POM121: variants seen among roughly 807,000 people sequenced by gnomAD.
POM121 encodes nuclear envelope pore membrane protein POM 121.
A neutral mutation model predicts 81.3 loss-of-function variants in POM121; 32 were observed. The observed-to-expected ratio is 0.39, with a 90% confidence interval of 0.30 to 0.53. The LOEUF (loss-of-function observed/expected upper bound fraction) is 0.53. POM121 is among the 20% of genes least tolerant of loss of function. The pLI, the probability that POM121 is intolerant of heterozygous loss-of-function variation, is 0.66. For missense variants in POM121, 1,138 were observed against 1,614.6 expected, an observed-to-expected ratio of 0.70 and a Z score of 5.06; for synonymous variants, 514 against 694.2, an observed-to-expected ratio of 0.74 and a Z score of 4.08.
intron 4 of POM121, among the ~76,000 whole-genome samples, chr7:72,916,665 A>G (rs1554495124): frequency 6.6e-6 from 1 of 152,194 alleles, no homozygotes. Flanking sequence ...TTTTGGTTCC[A>G]TATGAAATTT....
intron 3 of POM121, among the ~76,000 whole-genome samples, chr7:72,901,271 G>A (rs1430431062): frequency 4.0e-5 from 6 of 149,448 alleles, no homozygotes; most frequent in African/African-American, 1.5e-4. Flanking sequence ...CTGGAGTGCA[G>A]TGGTGTGATT....
Position 72,946,335 on chromosome 7 carries a change from C to T in POM121, c.*101C>T. On this transcript the variant is annotated 3_prime_UTR_variant, in exon 13 of 13. Transcript: ENST00000434423. ...ACCCTTCCAGTTGCGTAAAGCAAAC[C>T]TACCCCGGATCTCTGGCTTCAGCCG... is the stretch of plus-strand genomic sequence containing the variant. 2 of 1,488,520 alleles carry T rather than the reference C, an allele frequency of 1.3e-6. No homozygotes were observed. Among genetic ancestry groups the T allele is most frequent in the East Asian group, 2.5e-5 (1 of 40,656 alleles). The allele number at this position is 1,488,520 out of a possible 1,614,324, so 92.2% of individuals were successfully genotyped here.
intron 1 of POM121, chr7:72,879,978 C>G (rs1173774790): frequency 5.1e-6 from 2 of 395,574 alleles, no homozygotes; most frequent in African/African-American, 2.1e-5. Flanking sequence ...AGGGAGCGTC[C>G]CGATTGCTTG....
chr7:72,935,354 T>A (rs567806563), intron 5 of POM121, among the ~76,000 whole-genome samples: 1 of 152,140 alleles, frequency 6.6e-6, no homozygotes, highest in African/African-American at 2.4e-5. Flanking sequence ...TAAAAACTTA[T>A]AATAGAGACA....
At position 72,894,655 on chromosome 7, in the gene POM121, G is replaced by A. The variant is rs550557619; in HGVS notation, c.-216+3545G>A. On this transcript the variant is annotated intron_variant, in intron 3 of 15. Transcript: ENST00000395270. ...AGAGAGAGAGAGAGAGAGAGAGAGAGAGAGAGAGAGAGAGAGAGAGAGAGA... is the reference window on the plus strand; with the variant it reads ...AGAGAGAGAGAGAGAGAGAGAGAGAAAGAGAGAGAGAGAGAGAGAGAGAGA... Among the ~76,000 whole-genome samples, 22 of 148,768 alleles carry A rather than the reference G, an allele frequency of 1.5e-4. No homozygotes were observed. The East Asian group carries it at 2.4e-3, about 16-fold the overall frequency.
At chr7:72,917,419 G>A (rs1272972683) in intron 4 of POM121, among the ~76,000 whole-genome samples, 10 of 152,116 alleles carry the variant, frequency 6.6e-5, no homozygotes, top group Admixed American at 5.2e-4. Context: ...GACAAAGCCC[G>A]TGTAACACCT....
intron 3 of POM121, among the ~76,000 whole-genome samples, chr7:72,908,675 A>G (rs1793512099): frequency 6.6e-6 from 1 of 152,166 alleles, no homozygotes; most frequent in South Asian, 2.1e-4. Context: ...CGGCCATTTT[A>G]GAGCCCTCCC....
intron 2 of POM121, 125 bp downstream of exon 2, chr7:72,926,602 C>G: frequency 6.6e-7 from 1 of 1,508,870 alleles, no homozygotes; most frequent in South Asian, 1.2e-5. Context: ...ATGAGAAATA[C>G]CAAATTCTAG....
Position 72,946,388 on chromosome 7 carries a change from C to T in POM121, c.*154C>T. On this transcript the variant is annotated 3_prime_UTR_variant, in exon 13 of 13. Transcript: ENST00000434423. Reference sequence around the variant, plus strand: ...AGGGGGCAGTGGCAGCCCTGGGGCCCTTTCCCTTCTGGAGGAAGCACAAGC... The same window carrying T: ...AGGGGGCAGTGGCAGCCCTGGGGCCTTTTCCCTTCTGGAGGAAGCACAAGC... 1 of 1,434,976 alleles carries T rather than the reference C, an allele frequency of 7.0e-7. No homozygotes were observed. The highest frequency in any genetic ancestry group is 9.2e-7 in the Non-Finnish European group (1 of 1,090,490). The allele number at this position is 1,434,976 out of a possible 1,614,324, so 88.9% of individuals were successfully genotyped here.
chr7:72,917,818 C>T (rs1190236939), intron 4 of POM121, among the ~76,000 whole-genome samples: 1 of 152,090 alleles, frequency 6.6e-6, no homozygotes, highest in Non-Finnish European at 1.5e-5. Context: ...GCGCAGAGAC[C>T]GGTAGTGGCC....
intron 3 of POM121, among the ~76,000 whole-genome samples, chr7:72,901,208 T>C (rs559743363): frequency 6.6e-6 from 1 of 151,640 alleles, no homozygotes; most frequent in Non-Finnish European, 1.5e-5. Context: ...GCACCTTTTT[T>C]TCTTTTTTTC....
In POM121 at chr7:72,925,646, A is replaced by ACC; in HGVS notation, c.526_527dup (p.Pro177ArgfsTer50). On this transcript the variant is annotated frameshift_variant, in exon 1 of 13. Transcript: ENST00000434423. LOFTEE classifies it high-confidence loss of function. Reference sequence around the variant, plus strand: ...CTGCCCGCCCGGCGCCGCGCTCCCCACCGCCGCGCTCCCCACCGCCGCGCT... The same window carrying ACC: ...CTGCCCGCCCGGCGCCGCGCTCCCCACCCCGCCGCGCTCCCCACCGCCGCGCT... 3.9e-6 allele frequency: 1 copy of ACC among 253,200 alleles called. No individual in the cohort carries two copies. Among genetic ancestry groups the ACC allele is most frequent in the Non-Finnish European group, 4.6e-6 (1 of 217,800 alleles). The allele number at this position is 253,200 out of a possible 1,614,324, so 15.7% of individuals were successfully genotyped here.
At chr7:72,884,072 A>G (rs1355428304) in intron 1 of POM121, among the ~76,000 whole-genome samples, 1 of 151,996 alleles carries the variant, frequency 6.6e-6, no homozygotes, top group Non-Finnish European at 1.5e-5. Context: ...TGCCCAGCGG[A>G]TTTTTTAATT....
intron 4 of POM121, among the ~76,000 whole-genome samples, chr7:72,916,758 T>C (rs1423468049): frequency 6.6e-6 from 1 of 152,258 alleles, no homozygotes; most frequent in African/African-American, 2.4e-5. Flanking sequence ...TTTTGGGTAG[T>C]ATAGCCATTT....
chr7:72,926,436 G>A lies in POM121; in HGVS notation c.819G>A (p.Val273=). ...GGATGGTGTGTAGCCCAGTGACTGT[G>A]AGGATCGCCCCTCCTGACAGAAGAT... ...NSRMVCSPVT[V]RIAPPDRRFS... is the part of the protein sequence containing the mutation. The change falls in exon 2 of 13, where the codon GTG becomes GTA. Residue 273 remains valine, a synonymous_variant. Coordinates refer to ENST00000434423, the MANE Select transcript of POM121 (RefSeq NM_001387691.1). 3 of 1,614,024 alleles carry A rather than the reference G, an allele frequency of 1.9e-6. No homozygotes were observed. Among genetic ancestry groups the A allele is most frequent in the Non-Finnish European group, 2.5e-6 (3 of 1,179,870 alleles).
rs1797308438 is a variant in POM121 at position 72,943,242 on chromosome 7, G to A, written c.3249G>A (p.Gly1083=). Residue 1083 remains glycine, a synonymous_variant, in exon 11 of 13, where the codon GGG becomes GGA. Coordinates refer to ENST00000434423, the MANE Select transcript of POM121 (RefSeq NM_001387691.1). ...FGATTQTASS[G]SSSSVFGSTT... is the part of the protein sequence containing the mutation. Reference sequence around the variant, plus strand: ...CCACCACCCAGACCGCCAGCAGCGGGAGCAGCAGCTCGGTGTTTGGCAGCA... The same window carrying A: ...CCACCACCCAGACCGCCAGCAGCGGAAGCAGCAGCTCGGTGTTTGGCAGCA... 8 of 1,612,090 alleles carry A rather than the reference G, an allele frequency of 5.0e-6. No individual in the cohort carries two copies. The Admixed American group carries it at 1.2e-4, about 24-fold the overall frequency.
At chr7:72,934,305 G>A (rs1421082037) in intron 5 of POM121, among the ~76,000 whole-genome samples, 12 of 152,002 alleles carry the variant, frequency 7.9e-5, no homozygotes, top group South Asian at 2.1e-4. Flanking sequence ...GGATGGTCTC[G>A]AACTCGTGAC....
upstream of POM121, among the ~76,000 whole-genome samples, chr7:72,923,235 ATC>A (rs1563151984): frequency 1.3e-5 from 2 of 149,104 alleles, no homozygotes; most frequent in African/African-American, 5.0e-5. Context: ...CTTTCTTCTC[ATC>A]TCTCTGTGTT....
chr7:72,900,898 G>GTT (rs575276581), intron 3 of POM121, among the ~76,000 whole-genome samples: 7 of 143,468 alleles, frequency 4.9e-5, no homozygotes, highest in Non-Finnish European at 7.7e-5. Context: ...AGATTCTTAA[G>GTT]TTTTTTTTTT....
Sources: allele counts gnomAD v4.1 joint callset (sites outside exome capture counted in the v4.1 genomes callset), GRCh38; gene constraint gnomAD v4.1.1; transcripts MANE v1.5; gene names NCBI Gene and HGNC (gene_info 2026-07-23, HGNC 2026-07-21).